The following TRPM6 variants were observed in gnomAD, a reference collection of about 807,000 sequenced individuals.
TRPM6 encodes the protein channel kinase 2.
A neutral mutation model predicts 247.6 loss-of-function variants in TRPM6; 111 were observed. That is an observed-to-expected ratio of 0.45 (90% CI 0.38 to 0.52). The LOEUF is 0.52. TRPM6 is among the 20% of genes least tolerant of loss of function. The pLI, the probability that TRPM6 is intolerant of heterozygous loss-of-function variation, is 0.00. For synonymous variants in TRPM6, 892 were observed against 853.8 expected, an observed-to-expected ratio of 1.04 and a Z score of -0.78; for missense variants, 2,126 against 2,421.5, an observed-to-expected ratio of 0.88 and a Z score of 2.56.
chr9:74,847,430 C>A (rs117228259), intron 3 of TRPM6, among the ~76,000 whole-genome samples: 68 of 152,212 alleles, frequency 4.5e-4, no homozygotes, highest in Non-Finnish European at 8.7e-4. Flanking sequence ...AATCCTTCTC[C>A]CTCAGTCTCC....
chr9:74,801,994 G>A lies in TRPM6; in HGVS notation c.1913C>T (p.Ala638Val). ...WQHGEEATVKAVIACILYRAM... is the reference protein window; with the variant it reads ...WQHGEEATVKVVIACILYRAM... ...CCGGTAGAGGATACACGCAATCACG[G>A]CTTTAACCGTGGCCTCCTCTCCATG... The change falls in exon 16 of 39, where the codon GCC (alanine) becomes GTC (valine). Residue 638 changes from alanine to valine, a missense_variant. Ala to Val is a moderately conservative substitution (Grantham distance 64). This residue lies in a region of TRPM6 where 1,082 missense variants were observed against 1,307.9 expected (regional missense o/e 0.83). Coordinates refer to ENST00000360774, the MANE Select transcript of TRPM6 (RefSeq NM_017662.5). 6.2e-7 allele frequency: 1 copy of A among 1,614,202 alleles called. No individual in the cohort carries two copies. The highest frequency in any genetic ancestry group is 8.5e-7 in the Non-Finnish European group (1 of 1,180,032).
intron 11 of TRPM6, among the ~76,000 whole-genome samples, chr9:74,815,694 C>A (rs1282173403): frequency 6.6e-6 from 1 of 152,078 alleles, no homozygotes; most frequent in East Asian, 1.9e-4. Context: ...CAAAATATAG[C>A]AATATGACAT....
At chr9:74,808,281 C>T in intron 13 of TRPM6, 107 bp from the exon 14 acceptor site, 1 of 1,370,416 alleles carries the variant, frequency 7.3e-7, no homozygotes, top group East Asian at 2.3e-5. Context: ...GTAGACATAC[C>T]TTTTAAATAT....
rs532905390 is a variant in TRPM6, at chr9:74,785,676, C to T, written c.2919+198G>A. 2.2e-3 allele frequency among the ~76,000 whole-genome samples: 332 copies of T among 152,248 alleles called. 2 individuals are homozygous for T. Among genetic ancestry groups the T allele is most frequent in the South Asian group, 3.3e-3 (16 of 4,818 alleles). On this transcript the variant is annotated intron_variant, in intron 21 of 38. Coordinates refer to ENST00000360774, the MANE Select transcript of TRPM6 (RefSeq NM_017662.5). Reference sequence around the variant, plus strand: ...TAGCTGGGACTACAGGTGCCCACCACCATGCCCGGCTAATTTTTTTGTATT... The same window carrying T: ...TAGCTGGGACTACAGGTGCCCACCATCATGCCCGGCTAATTTTTTTGTATT...
chr9:74,828,559 T>G (rs1267296619), intron 6 of TRPM6, among the ~76,000 whole-genome samples: 1 of 152,124 alleles, frequency 6.6e-6, no homozygotes, highest in African/African-American at 2.4e-5. Context: ...TAGCCTGCTT[T>G]CCACGTGCTT....
chr9:74,789,640 G>T (rs1827824827), intron 19 of TRPM6, among the ~76,000 whole-genome samples: 1 of 152,100 alleles, frequency 6.6e-6, no homozygotes, highest in Admixed American at 6.5e-5. Context: ...AACACCCAGT[G>T]CTCACTGATC....
At chr9:74,845,173 T>C (rs1830068352) in intron 3 of TRPM6, among the ~76,000 whole-genome samples, 1 of 152,220 alleles carries the variant, frequency 6.6e-6, no homozygotes, top group Non-Finnish European at 1.5e-5. Context: ...TAAAATGTGA[T>C]GCAGAGACAA....
intron 31 of TRPM6, 99 bp downstream of exon 31, chr9:74,747,790 A>G: frequency 9.4e-7 from 1 of 1,063,032 alleles, no homozygotes; most frequent in South Asian, 1.4e-5. Flanking sequence ...AAAATCATAA[A>G]TACAATTTCA....
At chr9:74,754,589 C>G (rs992290270) in intron 28 of TRPM6, among the ~76,000 whole-genome samples, 1 of 152,176 alleles carries the variant, frequency 6.6e-6, no homozygotes, top group Non-Finnish European at 1.5e-5. Context: ...ACCATATGAA[C>G]AAGCAGATTT....
At chr9:74,869,208 G>A (rs111602408) in intron 1 of TRPM6, among the ~76,000 whole-genome samples, 3,372 of 151,914 alleles carry the variant, frequency 0.022, 70 homozygotes, top group Non-Finnish European at 0.031. Context: ...AGTCAGGGCC[G>A]GCCTGTAATC....
At position 74,739,771 on chromosome 9, in the gene TRPM6, T is replaced by C. The variant is rs754925636; in HGVS notation, c.5439A>G (p.Thr1813=). 5 of 1,614,106 alleles carry C rather than the reference T, an allele frequency of 3.1e-6. No individual in the cohort carries two copies. Among genetic ancestry groups the C allele is most frequent in the African/African-American group, 1.3e-5 (1 of 75,044 alleles). ...VKSFLPEVVR[T]WHKIFQESTV... is the part of the protein sequence containing the mutation. ...TGCTCTCCTGGAAGATTTTATGCCA[T>C]GTCCGCACAACCTCAGGAAGAAAGG... is the stretch of plus-strand genomic sequence containing the variant. Residue 1813 remains threonine, a synonymous_variant, in exon 34 of 39, where the codon ACA becomes ACG. Coordinates refer to ENST00000360774, the MANE Select transcript of TRPM6 (RefSeq NM_017662.5).
intron 14 of TRPM6, among the ~76,000 whole-genome samples, chr9:74,804,222 T>C (rs1479985400): frequency 1.3e-5 from 2 of 152,154 alleles, no homozygotes; most frequent in Non-Finnish European, 2.9e-5. Context: ...TGGAACGAGT[T>C]CAAAATAGGC....
chr9:74,816,486 A>C (rs903650659), intron 11 of TRPM6, among the ~76,000 whole-genome samples, 183 bp downstream of exon 11: 2 of 151,362 alleles, frequency 1.3e-5, no homozygotes, highest in Non-Finnish European at 2.9e-5. Context: ...AAAAAAAAAA[A>C]AAACAGATGG....
intron 20 of TRPM6, among the ~76,000 whole-genome samples, chr9:74,787,243 G>C (rs1186963351): frequency 6.6e-6 from 1 of 151,710 alleles, no homozygotes; most frequent in Non-Finnish European, 1.5e-5. Flanking sequence ...GCTAAGGCAG[G>C]AGAACTGCTT....
chr9:74,744,120 A>G lies in TRPM6; in HGVS notation c.5109T>C (p.Pro1703=), dbSNP rs759629217. 1.2e-6 allele frequency: 2 copies of G among 1,614,058 alleles called. No homozygotes were observed. The highest frequency in any genetic ancestry group is 2.2e-5 in the South Asian group (2 of 91,086). The change falls in exon 32 of 39, where the codon CCT becomes CCC. Residue 1703 remains proline, a synonymous_variant. Transcript: ENST00000360774. ...VDKISASLKS[P]QEPHHHYSAI... ...CTGAATAATGATGGTGAGGCTCTTGAGGGCTTTTTAAGGAGGCTGAGATCT... is the reference window on the plus strand; with the variant it reads ...CTGAATAATGATGGTGAGGCTCTTGGGGGCTTTTTAAGGAGGCTGAGATCT...
At chr9:74,862,825 T>C (rs571305909) in intron 1 of TRPM6, among the ~76,000 whole-genome samples, 3 of 151,894 alleles carry the variant, frequency 2.0e-5, no homozygotes, top group Non-Finnish European at 4.4e-5. Context: ...CTACTAAAGA[T>C]ACAAAAATTA....
At chr9:74,810,732 T>A in intron 13 of TRPM6, 83 bp downstream of exon 13, 1 of 1,311,994 alleles carries the variant, frequency 7.6e-7, no homozygotes, top group Non-Finnish European at 1.1e-6. Context: ...ATCTGCATTT[T>A]ACAAAGCAAA....
intron 19 of TRPM6, among the ~76,000 whole-genome samples, chr9:74,788,983 C>T (rs757418181): frequency 6.6e-6 from 1 of 152,172 alleles, no homozygotes; most frequent in Non-Finnish European, 1.5e-5. Flanking sequence ...TGGAAGGACA[C>T]ATTGTGCCTT....
intron 3 of TRPM6, 143 bp from the exon 4 acceptor site, chr9:74,842,486 G>A (rs1829975926): frequency 1.2e-6 from 1 of 854,640 alleles, no homozygotes; most frequent in Admixed American, 2.2e-5. Flanking sequence ...TTCTAACATA[G>A]GACTGTCTTC....
Sources: gnomAD v4.1 joint callset for allele counts (sites outside exome capture counted in the v4.1 genomes callset) on GRCh38, gnomAD v4.1.1 for gene constraint, gnomAD v4.1.1 regional missense constraint, MANE v1.5 for transcripts, NCBI Gene and HGNC (gene_info 2026-07-23, HGNC 2026-07-21) for gene names.